Variants in PDE3B observed in about 807,000 individuals in gnomAD.
PDE3B encodes phosphodiesterase 3B.
Under a neutral mutation model 116.8 loss-of-function variants are expected in PDE3B, and 66 were observed. The observed-to-expected ratio is 0.56, with a 90% CI of 0.46 to 0.69. The LOEUF (loss-of-function observed/expected upper bound fraction) is 0.69, where lower values mean the gene tolerates loss of function less well. Ranked by LOEUF, PDE3B falls within the 30% of genes least tolerant of loss-of-function variation. The pLI is 0.00. For synonymous variants in PDE3B, 595 were observed against 533.6 expected (o/e 1.12, Z -1.59); for missense variants, 1,384 against 1,368.1 (o/e 1.01, Z -0.18).
At chr11:14,739,153 G>C (rs1390812936) in intron 1 of PDE3B, among the ~76,000 whole-genome samples, 1 of 152,160 alleles carries the variant, frequency 6.6e-6, no homozygotes, top group Non-Finnish European at 1.5e-5. Context: ...GTCAATGGTA[G>C]CTTGATGGGG....
At chr11:14,784,177 C>G (rs1858123822) in intron 2 of PDE3B, among the ~76,000 whole-genome samples, 1 of 151,900 alleles carries the variant, frequency 6.6e-6, no homozygotes, top group Admixed American at 6.6e-5. Flanking sequence ...GTCCCTGATG[C>G]CAAAAAGGTT....
At chr11:14,790,898 A>T (rs957092503) in intron 4 of PDE3B, among the ~76,000 whole-genome samples, 11 of 152,064 alleles carry the variant, frequency 7.2e-5, no homozygotes, top group Non-Finnish European at 1.2e-4. Context: ...TCCTTTTCAG[A>T]TTCAAATCTC....
chr11:14,824,026 G>C (rs1019888504), intron 7 of PDE3B, among the ~76,000 whole-genome samples: 2 of 152,180 alleles, frequency 1.3e-5, no homozygotes, highest in African/African-American at 2.4e-5. Flanking sequence ...GGGCTAGCTA[G>C]TCCATACCCG....
intron 1 of PDE3B, chr11:14,673,750 G>A (rs1001494391): frequency 5.1e-5 from 39 of 771,724 alleles, no homozygotes; most frequent in Middle Eastern, 2.3e-4. Context: ...GCTCCAATTC[G>A]TACAAGTAAT....
chr11:14,705,857 C>T (rs1855516394), intron 1 of PDE3B, among the ~76,000 whole-genome samples: 1 of 151,750 alleles, frequency 6.6e-6, no homozygotes. Context: ...CTTTATGTTA[C>T]AGTTACTTTC....
the PDE3B span, chr11:14,890,901 T>C: frequency 1.0e-6 from 1 of 985,378 alleles, no homozygotes; most frequent in African/African-American, 1.7e-5. Context: ...AGGTCAAACC[T>C]GAAATACCAC....
At chr11:14,866,958 C>G (rs561938673) in intron 14 of PDE3B, among the ~76,000 whole-genome samples, 1 of 151,922 alleles carries the variant, frequency 6.6e-6, no homozygotes, top group Non-Finnish European at 1.5e-5. Context: ...GAAGGCAGGC[C>G]GTTGGGGATC....
At chr11:14,823,972 T>TAGGCTTTGCTGTCTTC (rs1439167973) in intron 7 of PDE3B, among the ~76,000 whole-genome samples, 1 of 152,156 alleles carries the variant, frequency 6.6e-6, no homozygotes, top group Non-Finnish European at 1.5e-5. Context: ...CTCACAGCCT[T>TAGGCTTTGCTGTCTTC]AGGCTTTGCT....
chr11:14,723,083 G>A (rs1856171137), intron 1 of PDE3B, among the ~76,000 whole-genome samples: 3 of 152,188 alleles, frequency 2.0e-5, no homozygotes, highest in Non-Finnish European at 4.4e-5. Context: ...AATAACAATA[G>A]ATAACATGTA....
intron 1 of PDE3B, among the ~76,000 whole-genome samples, chr11:14,738,949 C>G (rs1168483312): frequency 6.6e-6 from 1 of 152,146 alleles, no homozygotes; most frequent in Admixed American, 6.5e-5. Context: ...CTGCTCTGTT[C>G]CATTGGTCGA....
intron 1 of PDE3B, 64 bp downstream of exon 1, chr11:14,645,117 G>T: frequency 9.3e-7 from 1 of 1,071,984 alleles, no homozygotes; most frequent in Non-Finnish European, 1.2e-6. Flanking sequence ...TGCAGTTTCC[G>T]AGTTGAATTC....
intron 12 of PDE3B, among the ~76,000 whole-genome samples, chr11:14,844,635 G>C (rs184310056): frequency 1.3e-5 from 2 of 152,348 alleles, no homozygotes; most frequent in Admixed American, 1.3e-4. Flanking sequence ...TCCCACCCCA[G>C]TACTACGCTT....
Position 14,644,594 on chromosome 11 carries a change from T to C in PDE3B, c.519T>C (p.Ser173=). The C allele has an allele frequency of 6.4e-7, 1 of 1,569,898 alleles. No homozygotes were observed. Among genetic ancestry groups the C allele is most frequent in the Middle Eastern group, 1.7e-4 (1 of 5,940 alleles). Residue 173 remains serine (S), a synonymous_variant, in exon 1 of 16, where the codon TCT becomes TCC. Transcript: ENST00000282096. ...ACTTCTTGGTGTGGCAGTGGTGGTC[T>C]TGGCCTTGGGGGGATGGCGACGCAG... ...LGDFLVWQWW[S]WPWGDGDAGS...
At chr11:14,766,624 G>GC (rs532252533) in intron 1 of PDE3B, among the ~76,000 whole-genome samples, 106 of 151,284 alleles carry the variant, frequency 7.0e-4, no homozygotes, top group African/African-American at 2.5e-3. Flanking sequence ...ATTGAACTCA[G>GC]CATAATGTAT....
intron 1 of PDE3B, among the ~76,000 whole-genome samples, chr11:14,695,066 T>C (rs1007342618): frequency 6.6e-6 from 1 of 152,236 alleles, no homozygotes; most frequent in Admixed American, 6.5e-5. Context: ...TACTACCTTC[T>C]GTAGGTATCC....
intron 1 of PDE3B, among the ~76,000 whole-genome samples, chr11:14,765,378 G>A (rs1857470394): frequency 6.6e-6 from 1 of 151,844 alleles, no homozygotes; most frequent in Non-Finnish European, 1.5e-5. Flanking sequence ...TACTGCTGAT[G>A]TTTCACTGTG....
At chr11:14,892,153 A>G in the PDE3B span, 1 of 1,611,038 alleles carries the variant, frequency 6.2e-7, no homozygotes, top group Non-Finnish European at 8.5e-7. Context: ...CAGCAGGAAG[A>G]GCGCGCCGCC....
At chr11:14,714,078 T>A (rs1355660319) in intron 1 of PDE3B, among the ~76,000 whole-genome samples, 2 of 152,092 alleles carry the variant, frequency 1.3e-5, no homozygotes, top group Non-Finnish European at 2.9e-5. Context: ...TTTTAAAAAA[T>A]GACTGTAGCA....
chr11:14,676,380 A>G (rs902020868), intron 1 of PDE3B, among the ~76,000 whole-genome samples: 1 of 152,316 alleles, frequency 6.6e-6, no homozygotes, highest in African/African-American at 2.4e-5. Context: ...AAACCTGTAC[A>G]GCATGTTACT....
Sources: allele counts gnomAD v4.1 joint callset (sites outside exome capture counted in the v4.1 genomes callset), GRCh38; gene constraint gnomAD v4.1.1; transcripts MANE v1.5; gene names NCBI Gene and HGNC (gene_info 2026-07-23, HGNC 2026-07-21).